POLR3A: variants seen among roughly 807,000 people sequenced by gnomAD.
POLR3A encodes DNA-directed RNA polymerase III subunit RPC1.
POLR3A carries 112 observed loss-of-function variants against 152.8 expected under a neutral mutation model. The ratio of observed to expected loss-of-function variants is 0.73; its 90% CI spans 0.63 to 0.86. The LOEUF is 0.86. Ranked by LOEUF, POLR3A falls within the 40% of genes least tolerant of loss-of-function variation. The pLI, the probability that POLR3A is intolerant of heterozygous loss-of-function variation, is 0.00. For missense variants in POLR3A, 1,385 were observed against 1,743.1 expected, an observed-to-expected ratio of 0.79 and a Z score of 3.66; for synonymous variants, 615 against 652.1, an observed-to-expected ratio of 0.94 and a Z score of 0.87.
At chr10:78,018,811 C>G (rs984802181) in intron 9 of POLR3A, among the ~76,000 whole-genome samples, 1 of 152,162 alleles carries the variant, frequency 6.6e-6, no homozygotes, top group Non-Finnish European at 1.5e-5. Flanking sequence ...GTCTTGAACT[C>G]CTGGCCTCAA....
At chr10:77,995,958 T>C (rs1214991065) in intron 19 of POLR3A, among the ~76,000 whole-genome samples, 1 of 152,100 alleles carries the variant, frequency 6.6e-6, no homozygotes, top group African/African-American at 2.4e-5. Context: ...TATAACAAAC[T>C]GTCTCTCAGA....
chr10:77,985,357 T>C lies in POLR3A; in HGVS notation c.3072-17A>G, dbSNP rs759414011. On this transcript the variant is annotated splice_polypyrimidine_tract_variant and intron_variant, in intron 23 of 30. Coordinates refer to ENST00000372371, the MANE Select transcript of POLR3A (RefSeq NM_007055.4). ...ATCTGTGCCCTAGAAGGCAAAGGTATGGATGAGATTGCAGCATGCCAAAGA... is the reference window on the plus strand; with the variant it reads ...ATCTGTGCCCTAGAAGGCAAAGGTACGGATGAGATTGCAGCATGCCAAAGA... 3.1e-6 allele frequency: 5 copies of C among 1,609,434 alleles called. No homozygotes were observed. The highest frequency in any genetic ancestry group is 2.7e-5 in the African/African-American group (2 of 74,844).
intron 29 of POLR3A, among the ~76,000 whole-genome samples, chr10:77,981,106 T>G (rs536583569): frequency 9.2e-5 from 14 of 152,234 alleles, no homozygotes; most frequent in African/African-American, 3.1e-4. Flanking sequence ...CAACTTGCCA[T>G]GGGACTCTCT....
rs11002363 is a variant in POLR3A at position 77,999,668 on chromosome 10, C to A, written c.2616+313G>T. ...GGCCTTGCAATAACCCTCATTGTCACGTGTTAGTAAAGCGAGGCTTAGTGA... is the reference window on the plus strand; with the variant it reads ...GGCCTTGCAATAACCCTCATTGTCAAGTGTTAGTAAAGCGAGGCTTAGTGA... On this transcript the variant is annotated intron_variant, in intron 19 of 30. Transcript: ENST00000372371. Among the ~76,000 whole-genome samples the A allele has an allele frequency of 0.032, 4,879 of 152,254 alleles. 293 individuals carry two copies. Among genetic ancestry groups the A allele is most frequent in the African/African-American group, 0.11 (4,655 of 41,532 alleles).
chr10:78,009,152 C>CAAA (rs59670962), intron 14 of POLR3A, among the ~76,000 whole-genome samples: 12 of 33,000 alleles, frequency 3.6e-4, no homozygotes, highest in African/African-American at 7.3e-4. Flanking sequence ...GACTTAGTCT[C>CAAA]AAAAAAAAAA....
chr10:77,984,119 T>C (rs1408847071), intron 25 of POLR3A, 86 bp downstream of exon 25: 2 of 1,223,180 alleles, frequency 1.6e-6, no homozygotes, highest in Non-Finnish European at 2.4e-6. Context: ...CGCCACAGGC[T>C]GGTCAATAGA....
At chr10:77,984,121 G>T in intron 25 of POLR3A, 84 bp downstream of exon 25, 2 of 1,222,494 alleles carry the variant, frequency 1.6e-6, no homozygotes, top group Non-Finnish European at 2.4e-6. Flanking sequence ...CCACAGGCTG[G>T]TCAATAGATG....
intron 28 of POLR3A, 23 bp downstream of exon 28, chr10:77,982,131 C>T (rs747352368): frequency 2.7e-5 from 43 of 1,609,466 alleles, no homozygotes; most frequent in South Asian, 6.6e-5. Flanking sequence ...AACCCTAAGG[C>T]GACCCCGTGG....
intron 10 of POLR3A, among the ~76,000 whole-genome samples, chr10:78,015,797 T>C (rs1048057492): frequency 3.3e-5 from 5 of 152,192 alleles, no homozygotes; most frequent in Admixed American, 6.6e-5. Flanking sequence ...GCTGGGGCTA[T>C]AGGTGTGTGC....
Position 78,025,062 on chromosome 10 carries a change from G to A in POLR3A, c.399C>T (p.Gly133=), listed in dbSNP as rs927423608. Residue 133 remains glycine, a synonymous_variant, in exon 4 of 31, where the codon GGC becomes GGT. Transcript: ENST00000372371. ...KQFLDYLKRP[G]LTYLQKRGLK... ...GTCCTCGCTTCTGAAGGTAGGTCAG[G>A]CCGGGCCTCTTTAGATAGTCCAGAA... 1.2e-6 allele frequency: 2 copies of A among 1,614,122 alleles called. No homozygotes were observed. Among genetic ancestry groups the A allele is most frequent in the African/African-American group, 2.7e-5 (2 of 75,028 alleles).
At chr10:77,981,724 TC>T (rs1441356521) in intron 28 of POLR3A, among the ~76,000 whole-genome samples, 165 bp from the exon 29 acceptor site, 1 of 151,790 alleles carries the variant, frequency 6.6e-6, no homozygotes. Flanking sequence ...AATGGGATGG[TC>T]AGAGAAGTAT....
chr10:78,005,427 A>G (rs1847401593), intron 15 of POLR3A, among the ~76,000 whole-genome samples: 1 of 152,236 alleles, frequency 6.6e-6, no homozygotes, highest in African/African-American at 2.4e-5. Flanking sequence ...AGCCTGGGCA[A>G]CAGAGCAAGA....
At chr10:78,010,059 A>G (rs1847451764) in intron 12 of POLR3A, 68 bp from the exon 13 acceptor site, 1 of 1,590,320 alleles carries the variant, frequency 6.3e-7, no homozygotes, top group Admixed American at 1.7e-5. Context: ...CAAGGTTTCA[A>G]TTTTAAAATA....
At chr10:77,983,118 G>T (rs896714739) in intron 26 of POLR3A, among the ~76,000 whole-genome samples, 4 of 152,174 alleles carry the variant, frequency 2.6e-5, no homozygotes, top group African/African-American at 4.8e-5. Flanking sequence ...GGAGGCTGGA[G>T]GTTGGAGGCC....
chr10:77,996,959 C>T (rs1393941420), intron 19 of POLR3A, among the ~76,000 whole-genome samples: 1 of 152,194 alleles, frequency 6.6e-6, no homozygotes, highest in African/African-American at 2.4e-5. Context: ...AAAAGCTTAT[C>T]CACCATGATC....
In POLR3A at chr10:77,982,326, C is replaced by T; in HGVS notation, c.3595-8G>A. The stretch of plus-strand genomic sequence containing the variant: ...AATGCCCTGCACCACCACCTGGATT[C>T]AGAGACAGAGAAAGCTGTGAGGACG... On this transcript the variant is annotated splice_polypyrimidine_tract_variant and splice_region_variant and intron_variant, in intron 27 of 30. Coordinates refer to ENST00000372371, the MANE Select transcript of POLR3A (RefSeq NM_007055.4). 6.2e-7 allele frequency: 1 copy of T among 1,613,926 alleles called. No homozygotes were observed. Among genetic ancestry groups the T allele is most frequent in the African/African-American group, 1.3e-5 (1 of 75,008 alleles).
At chr10:78,004,603 G>T in intron 16 of POLR3A, 113 bp downstream of exon 16, 3 of 845,340 alleles carry the variant, frequency 3.5e-6, no homozygotes, top group Non-Finnish European at 5.8e-6. Context: ...CCAATGCCTT[G>T]ACTTGCCCAC....
chr10:77,978,948 C>T (rs1157865047), intron 30 of POLR3A, among the ~76,000 whole-genome samples: 1 of 152,072 alleles, frequency 6.6e-6, no homozygotes, highest in Non-Finnish European at 1.5e-5. Flanking sequence ...AGGCGTGAGC[C>T]ACCGCGCCCG....
intron 5 of POLR3A, 149 bp from the exon 6 acceptor site, chr10:78,022,533 G>A: frequency 1.2e-6 from 1 of 832,682 alleles, no homozygotes; most frequent in Non-Finnish European, 1.9e-6. Flanking sequence ...TATGCTGCAA[G>A]AGCCTTAAAA....
Sources: gnomAD v4.1 joint callset for allele counts (sites outside exome capture counted in the v4.1 genomes callset) on GRCh38, gnomAD v4.1.1 for gene constraint, MANE v1.5 for transcripts, NCBI Gene and HGNC (gene_info 2026-07-23, HGNC 2026-07-21) for gene names.